Variants in ELMO2 observed in about 807,000 individuals in gnomAD.
ELMO2 encodes engulfment and cell motility protein 2.
ELMO2 carries 37 observed loss-of-function variants against 96.2 expected under a neutral mutation model. The observed-to-expected ratio is 0.38, with a 90% CI of 0.30 to 0.51. The LOEUF is 0.51. Among genes scored for constraint, ELMO2 ranks in the 20% least tolerant of loss-of-function variants. ELMO2 has a pLI of 0.88. For missense variants in ELMO2, 561 were observed against 912.6 expected (o/e 0.61, Z 4.96); for synonymous variants, 315 against 329.4 (o/e 0.96, Z 0.47).
rs182493827 is a variant in ELMO2 at position 46,405,366 on chromosome 20, G to A, written c.-126+1182C>T. On this transcript the variant is annotated intron_variant, in intron 1 of 21. Coordinates refer to ENST00000290246, the MANE Select transcript of ELMO2 (RefSeq NM_133171.5). ...GCCAGGGGAGGAAGAGCAGACCAGG[G>A]AGGAGGAATACTAAATAAAAGGCCC... 8.5e-5 allele frequency among the ~76,000 whole-genome samples: 13 copies of A among 152,278 alleles called. No individual in the cohort carries two copies. In the East Asian group the frequency reaches 2.3e-3, roughly 27 times the overall value.
At chr20:46,379,048 A>G (rs1342154324) in intron 11 of ELMO2, among the ~76,000 whole-genome samples, 1 of 151,960 alleles carries the variant, frequency 6.6e-6, no homozygotes, top group Non-Finnish European at 1.5e-5. Flanking sequence ...GCTAGAGCGC[A>G]ATGGCCTGGT....
Position 46,374,434 on chromosome 20 carries a change from A to G in ELMO2, c.1177T>C (p.Leu393=). 1.9e-6 allele frequency: 3 copies of G among 1,614,080 alleles called. No individual in the cohort carries two copies. In the East Asian group the frequency reaches 6.7e-5, roughly 36 times the overall value. Residue 393 remains leucine, a synonymous_variant, in exon 15 of 22, where the codon TTG becomes CTG. Coordinates refer to ENST00000290246, the MANE Select transcript of ELMO2 (RefSeq NM_133171.5). ...VHQDTYIRIV[L]ENSSREDKHE... is the part of the protein sequence containing the mutation. ...TTGTCTTCCCGGCTACTGTTCTCCA[A>G]GACAATCTGTCGGGGGAAGAGAAAG...
chr20:46,386,073 G>A (rs2060035807), intron 9 of ELMO2, 51 bp downstream of exon 9: 3 of 1,578,670 alleles, frequency 1.9e-6, no homozygotes, highest in Non-Finnish European at 2.6e-6. Flanking sequence ...AATAAGAGGA[G>A]AAAAGAGGAC....
At chr20:46,403,053 A>C (rs1467658109) in intron 1 of ELMO2, among the ~76,000 whole-genome samples, 3 of 152,246 alleles carry the variant, frequency 2.0e-5, no homozygotes, top group Non-Finnish European at 4.4e-5. Flanking sequence ...TGTTGTGAGC[A>C]TCAAGTGGGA....
chr20:46,401,720 T>G (rs908192286), intron 1 of ELMO2, among the ~76,000 whole-genome samples: 1 of 152,236 alleles, frequency 6.6e-6, no homozygotes, highest in African/African-American at 2.4e-5. Flanking sequence ...CATGCTCTTC[T>G]GAGTCTGTAT....
At chr20:46,389,265 A>G in intron 6 of ELMO2, 45 bp from the exon 7 acceptor site, 2 of 1,587,676 alleles carry the variant, frequency 1.3e-6, no homozygotes, top group Non-Finnish European at 1.7e-6. Flanking sequence ...TCCTTGGAGC[A>G]GGTTACTACT....
chr20:46,376,562 T>G, intron 11 of ELMO2: 1 of 1,227,164 alleles, frequency 8.1e-7, no homozygotes, highest in South Asian at 1.3e-5. Context: ...GTCTTTCTCT[T>G]GCATGCTATG....
rs1376289681 is a variant in ELMO2, at chr20:46,371,639, G to A, written c.1633C>T (p.Arg545Cys). Residue 545 changes from arginine to cysteine, a missense_variant, in exon 18 of 22, where the codon CGC (arginine) becomes TGC (cysteine). Transcript: ENST00000290246. This position sits in a 1 kb window ranked among gnomAD's most constrained non-coding sequence, Gnocchi z 5.9. The stretch of plus-strand genomic sequence containing the variant: ...CTGCCCTCACAGAGCCGGTTCAGGC[G>A]CTGCTGCTTGATCAGCTCAAGGATC... ...PEILELIKQQ[R>C]LNRLCEGSSF... 2 of 1,612,030 alleles carry A rather than the reference G, an allele frequency of 1.2e-6. No homozygotes were observed. The highest frequency in any genetic ancestry group is 1.7e-6 in the Non-Finnish European group (2 of 1,179,534).
At position 46,370,289 on chromosome 20, in the gene ELMO2, G is replaced by C. The variant is rs768890697; in HGVS notation, c.1884+154C>G. On this transcript the variant is annotated intron_variant, in intron 20 of 21. Coordinates refer to ENST00000290246, the MANE Select transcript of ELMO2 (RefSeq NM_133171.5). ...TGAGTCTGGGTGATGTGTATACAGA[G>C]GTTCCATCTATTTTTGTGTATGTTC... The C allele has an allele frequency of 2.2e-5, 16 of 739,610 alleles. No homozygotes were observed. In the South Asian group the frequency reaches 2.3e-4, roughly 11 times the overall value. 45.8% of individuals were successfully genotyped at this position (739,610 alleles called of 1,614,324 possible).
intron 9 of ELMO2, 83 bp downstream of exon 9, chr20:46,386,041 A>T: frequency 6.1e-6 from 9 of 1,469,956 alleles, no homozygotes; most frequent in Non-Finnish European, 7.4e-6. Context: ...TAAGCAAAGG[A>T]GAGTAGGATT....
intron 10 of ELMO2, 61 bp from the exon 11 acceptor site, chr20:46,380,364 CGAGAG>C: frequency 7.3e-7 from 1 of 1,365,340 alleles, no homozygotes; most frequent in South Asian, 1.2e-5. Context: ...TGACTACTAT[CGAGAG>C]GAAGGTGATG....
At chr20:46,399,663 C>T (rs1390553697) in intron 1 of ELMO2, among the ~76,000 whole-genome samples, 1 of 152,230 alleles carries the variant, frequency 6.6e-6, no homozygotes, top group African/African-American at 2.4e-5. Flanking sequence ...TATAACTCTG[C>T]AGTCTCATAA....
intron 15 of ELMO2, among the ~76,000 whole-genome samples, chr20:46,373,985 A>G (rs2059792509): frequency 6.8e-6 from 1 of 146,356 alleles, no homozygotes; most frequent in Admixed American, 6.9e-5. Context: ...GCTGGAATGC[A>G]GTGGCATGAC....
chr20:46,397,775 G>A (rs984359881), intron 2 of ELMO2, among the ~76,000 whole-genome samples: 4 of 152,150 alleles, frequency 2.6e-5, no homozygotes, highest in Non-Finnish European at 4.4e-5. Flanking sequence ...GCTTCAGAGC[G>A]AATACCATGG....
At chr20:46,394,162 G>C in intron 3 of ELMO2, 73 bp from the exon 4 acceptor site, 1 of 1,385,810 alleles carries the variant, frequency 7.2e-7, no homozygotes, top group Non-Finnish European at 1.0e-6. Context: ...CAAGAGGCCT[G>C]CCAAGCAGGG....
intron 10 of ELMO2, 71 bp from the exon 11 acceptor site, chr20:46,380,374 G>A (rs560843602): frequency 2.3e-6 from 3 of 1,293,086 alleles, no homozygotes; most frequent in South Asian, 2.6e-5. Context: ...CGAGAGGAAG[G>A]TGATGTCAAA....
intron 1 of ELMO2, among the ~76,000 whole-genome samples, chr20:46,404,607 A>G (rs1290946122): frequency 6.6e-6 from 1 of 152,228 alleles, no homozygotes; most frequent in Non-Finnish European, 1.5e-5. Context: ...GGGTATACAA[A>G]GTGTGTGACA....
At chr20:46,400,697 T>C (rs1171834948) in intron 1 of ELMO2, among the ~76,000 whole-genome samples, 1 of 152,230 alleles carries the variant, frequency 6.6e-6, no homozygotes, top group East Asian at 1.9e-4. Flanking sequence ...ACAATTTTAC[T>C]ATAAGTCATA....
At chr20:46,367,688 T>C in intron 21 of ELMO2, 128 bp from the exon 22 acceptor site, 1 of 546,372 alleles carries the variant, frequency 1.8e-6, no homozygotes. Context: ...CAAAACTGAT[T>C]TGGAATGATA....
Sources: allele counts gnomAD v4.1 joint callset (sites outside exome capture counted in the v4.1 genomes callset), GRCh38; gene constraint gnomAD v4.1.1; non-coding constraint Gnocchi (gnomAD v3.1); transcripts MANE v1.5; gene names NCBI Gene and HGNC (gene_info 2026-07-23, HGNC 2026-07-21).